Variants in LARGE1 observed in about 807,000 individuals in gnomAD.
The protein encoded by LARGE1 is LARGE xylosyl- and glucuronyltransferase 1.
LARGE1 carries 43 observed loss-of-function variants against 87.6 expected under a neutral mutation model. The observed-to-expected ratio is 0.49, with a 90% confidence interval of 0.38 to 0.63. LARGE1 has a LOEUF of 0.63. Among genes scored for constraint, LARGE1 ranks in the 30% least tolerant of loss-of-function variants. The pLI, the probability that LARGE1 is intolerant of heterozygous loss-of-function variation, is 0.00. For missense variants in LARGE1, 802 were observed against 1,000.2 expected (o/e 0.80, Z 2.67); for synonymous variants, 434 against 394.6 (o/e 1.10, Z -1.18).
intron 11 of LARGE1, among the ~76,000 whole-genome samples, chr22:33,262,395 T>G (rs1216260230): frequency 6.6e-6 from 1 of 152,200 alleles, no homozygotes; most frequent in Non-Finnish European, 1.5e-5. Flanking sequence ...GTCATCACTG[T>G]GGTTGCTGGT....
intron 9 of LARGE1, among the ~76,000 whole-genome samples, chr22:33,370,479 T>C (rs893678915): frequency 1.3e-5 from 2 of 152,218 alleles, no homozygotes; most frequent in Non-Finnish European, 1.5e-5. Context: ...CTTTGATCCA[T>C]AGCCTTCACT....
the LARGE1 span, among the ~76,000 whole-genome samples, chr22:33,124,355 A>AGG: frequency 6.8e-6 from 1 of 147,466 alleles, no homozygotes; most frequent in Admixed American, 6.7e-5. Context: ...AAAGAAAGGA[A>AGG]AGAAGGAAGG....
At position 33,201,954 on chromosome 22, in the gene LARGE1, G is replaced by A. The variant is rs370502393; in HGVS notation, c.1731-35122C>T. On this transcript the variant is annotated intron_variant, in intron 11 of 11. Transcript: ENST00000608642. ...AGATCGAGACCATCCTGGCTAACAC[G>A]GTGAAACCCCGTCTCTACTAAAAAT... is the stretch of plus-strand genomic sequence containing the variant. Among the ~76,000 whole-genome samples the A allele has an allele frequency of 4.0e-3, 602 of 152,146 alleles. 3 individuals carry two copies. The highest frequency in any genetic ancestry group is 0.014 in the African/African-American group (574 of 41,520).
chr22:33,089,366 CTTCTCCTTCTT>C, the LARGE1 span, among the ~76,000 whole-genome samples: 18 of 63,350 alleles, frequency 2.8e-4, no homozygotes, highest in Non-Finnish European at 4.1e-4. Flanking sequence ...TCTTCTTCTT[CTTCTCCTTCTT>C]CTTCTTCTTC....
At position 33,202,068 on chromosome 22, in the gene LARGE1, G is replaced by A. The variant is rs141034643; in HGVS notation, c.1731-35236C>T. Among the ~76,000 whole-genome samples, 115 of 151,838 alleles carry A rather than the reference G, an allele frequency of 7.6e-4. No individual in the cohort carries two copies. The East Asian group carries it at 0.012, about 15-fold the overall frequency. On this transcript the variant is annotated intron_variant, in intron 11 of 11. Transcript: ENST00000608642. ...GGAGGATCACTTGAACCAGGGAGGC[G>A]GAGGTTGCAGTGAGCTGAGATCACA...
At chr22:33,774,723 C>T (rs2085180638) in intron 1 of LARGE1, among the ~76,000 whole-genome samples, 1 of 152,188 alleles carries the variant, frequency 6.6e-6, no homozygotes, top group East Asian at 1.9e-4. Context: ...AACATGTAAT[C>T]AATATAAAGC....
intron 7 of LARGE1, among the ~76,000 whole-genome samples, chr22:33,409,972 A>G (rs1255985141): frequency 6.6e-6 from 1 of 152,106 alleles, no homozygotes; most frequent in Non-Finnish European, 1.5e-5. Flanking sequence ...TAGGTAATGA[A>G]GAGGGAAAGC....
intron 1 of LARGE1, among the ~76,000 whole-genome samples, chr22:33,842,311 G>A (rs576629159): frequency 6.6e-6 from 1 of 152,106 alleles, no homozygotes; most frequent in Non-Finnish European, 1.5e-5. Flanking sequence ...AAGCAGTAGG[G>A]CATTTTTTAA....
intron 9 of LARGE1, among the ~76,000 whole-genome samples, chr22:33,340,119 A>T (rs1312395360): frequency 2.0e-5 from 3 of 151,136 alleles, no homozygotes; most frequent in Non-Finnish European, 1.5e-5. Flanking sequence ...TTTATTTAAT[A>T]CGCACAACAG....
intron 4 of LARGE1, among the ~76,000 whole-genome samples, chr22:33,612,683 A>G (rs1291873056): frequency 3.9e-5 from 6 of 152,340 alleles, no homozygotes; most frequent in African/African-American, 1.2e-4. Flanking sequence ...AAAAGAAAAA[A>G]AGAGAGACCA....
At chr22:33,734,265 G>A (rs1041938355) in intron 2 of LARGE1, among the ~76,000 whole-genome samples, 1 of 152,184 alleles carries the variant, frequency 6.6e-6, no homozygotes, top group African/African-American at 2.4e-5. Flanking sequence ...GCACCAGGGG[G>A]TTAGGACTTC....
intron 6 of LARGE1, among the ~76,000 whole-genome samples, chr22:33,432,633 A>G (rs1051644100): frequency 1.3e-5 from 2 of 151,792 alleles, no homozygotes; most frequent in Admixed American, 1.3e-4. Flanking sequence ...TAACTCATGG[A>G]GCACATATTT....
chr22:33,718,716 T>C (rs2082986275), intron 2 of LARGE1, among the ~76,000 whole-genome samples: 1 of 152,260 alleles, frequency 6.6e-6, no homozygotes, highest in Non-Finnish European at 1.5e-5. Context: ...AAGACAGTGA[T>C]ACTGATAATC....
chr22:33,390,094 A>G (rs2065463898), intron 7 of LARGE1, among the ~76,000 whole-genome samples: 1 of 152,152 alleles, frequency 6.6e-6, no homozygotes, highest in Non-Finnish European at 1.5e-5. Flanking sequence ...CTGCCATAAA[A>G]CAACCGCAAC....
At position 33,273,745 on chromosome 22, in the gene LARGE1, G is replaced by C; in HGVS notation, c.*682C>G. On this transcript the variant is annotated 3_prime_UTR_variant, in exon 15 of 15. Transcript: ENST00000397394. ...GGTAGAGGCAGCTGATTTTCCTTTAGAGCCTCAAAGGATCAGATTTTCTAT... is the reference window on the plus strand; with the variant it reads ...GGTAGAGGCAGCTGATTTTCCTTTACAGCCTCAAAGGATCAGATTTTCTAT... The C allele has an allele frequency of 2.5e-6, 1 of 398,344 alleles. No homozygotes were observed. Among genetic ancestry groups the C allele is most frequent in the East Asian group, 3.6e-5 (1 of 28,076 alleles). 24.7% of individuals were successfully genotyped at this position (398,344 alleles called of 1,614,324 possible).
At chr22:33,457,179 G>C (rs2068165190) in intron 6 of LARGE1, among the ~76,000 whole-genome samples, 1 of 151,876 alleles carries the variant, frequency 6.6e-6, no homozygotes, top group South Asian at 2.1e-4. Context: ...GGTGGATGGA[G>C]TGCAGTGGCG....
intron 6 of LARGE1, among the ~76,000 whole-genome samples, chr22:33,450,861 T>C (rs1412951616): frequency 3.9e-5 from 6 of 152,124 alleles, no homozygotes; most frequent in Non-Finnish European, 1.5e-5. Context: ...CTGAAATTAA[T>C]AGCTAGAATG....
At chr22:33,170,532 G>A (rs1028350084) in intron 11 of LARGE1, among the ~76,000 whole-genome samples, 9 of 152,068 alleles carry the variant, frequency 5.9e-5, no homozygotes, top group Non-Finnish European at 1.0e-4. Flanking sequence ...TGGTTTCCCC[G>A]ATGCTGTTCT....
At chr22:33,153,310 G>T in the LARGE1 span, among the ~76,000 whole-genome samples, 5 of 152,106 alleles carry the variant, frequency 3.3e-5, no homozygotes, top group Non-Finnish European at 7.3e-5. Context: ...TTACAGACAC[G>T]TGCCACAGCA....
Sources: gnomAD v4.1 joint callset for allele counts (sites outside exome capture counted in the v4.1 genomes callset) on GRCh38, gnomAD v4.1.1 for gene constraint, MANE v1.5 for transcripts, NCBI Gene and HGNC (gene_info 2026-07-23, HGNC 2026-07-21) for gene names.